The following LINGO2 variants were observed in gnomAD, a reference collection of about 807,000 sequenced individuals.
LINGO2 encodes leucine rich repeat and Ig domain containing 2.
Under a neutral mutation model 30.6 loss-of-function variants are expected in LINGO2, and 14 were observed. The ratio of observed to expected loss-of-function variants is 0.46; its 90% CI spans 0.30 to 0.72. LINGO2 has a LOEUF of 0.72. LINGO2 is among the 30% of genes least tolerant of loss of function. LINGO2 has a pLI of 0.07. For missense variants in LINGO2, 729 were observed against 751.7 expected (o/e 0.97, Z 0.35); for synonymous variants, 317 against 288.5 (o/e 1.10, Z -1.00).
At chr9:28,615,112 C>T (rs977568249) in intron 1 of LINGO2, among the ~76,000 whole-genome samples, 3 of 152,032 alleles carry the variant, frequency 2.0e-5, no homozygotes, top group African/African-American at 4.8e-5. Context: ...TTTGCCTGCT[C>T]ATGGAAGACA....
chr9:27,970,518 T>C (rs1179763023), intron 5 of LINGO2, among the ~76,000 whole-genome samples: 7 of 152,330 alleles, frequency 4.6e-5, no homozygotes, highest in South Asian at 2.1e-4. Flanking sequence ...GGCATTGTCA[T>C]GTTTACAGCT....
At position 28,313,091 on chromosome 9, in the gene LINGO2, TGCTGAATAAAA is replaced by T. The variant is rs1385915647; in HGVS notation, c.-245-17736_-245-17726del. On this transcript the variant is annotated intron_variant, in intron 3 of 5. Coordinates refer to ENST00000379992, the Ensembl canonical transcript of LINGO2. ...GTTTCAACATCTGATGATGACACTTTGCTGAATAAAAGTTTAATCACTCATTTCCTATATCG... is the reference window on the plus strand; with the variant it reads ...GTTTCAACATCTGATGATGACACTTTGTTTAATCACTCATTTCCTATATCG... 2.0e-5 allele frequency among the ~76,000 whole-genome samples: 3 copies of T among 152,200 alleles called. No individual in the cohort carries two copies. In the East Asian group the frequency reaches 5.8e-4, roughly 29 times the overall value.
intron 3 of LINGO2, among the ~76,000 whole-genome samples, chr9:28,305,987 G>A (rs1304237466): frequency 6.6e-6 from 1 of 152,080 alleles, no homozygotes; most frequent in Non-Finnish European, 1.5e-5. Context: ...GAAGTATTTG[G>A]AAACTGCCTA....
At chr9:28,063,232 G>T (rs1365151259) in intron 4 of LINGO2, among the ~76,000 whole-genome samples, 1 of 152,114 alleles carries the variant, frequency 6.6e-6, no homozygotes, top group Non-Finnish European at 1.5e-5. Context: ...CCCATCATCA[G>T]ATTGTTTTTT....
chr9:29,100,881 A>C, the LINGO2 span, among the ~76,000 whole-genome samples: 1 of 152,176 alleles, frequency 6.6e-6, no homozygotes, highest in Non-Finnish European at 1.5e-5. Context: ...GTGCTCACAA[A>C]AATTAAAAAT....
the LINGO2 span, among the ~76,000 whole-genome samples, chr9:29,002,380 A>C: frequency 2.6e-5 from 4 of 152,086 alleles, no homozygotes; most frequent in Non-Finnish European, 4.4e-5. Flanking sequence ...TGACATATGA[A>C]TAGCACATAC....
At position 28,067,658 on chromosome 9, in the gene LINGO2, G is replaced by C. The variant is rs138964150; in HGVS notation, c.-86-55253C>G. ...AATTTTAGAATGCTAGAAATTTCTA[G>C]ATGATAAGGAAATCTTGGGTAAGGA... On this transcript the variant is annotated intron_variant, in intron 4 of 5. Coordinates refer to ENST00000379992, the Ensembl canonical transcript of LINGO2. Among the ~76,000 whole-genome samples the C allele has an allele frequency of 2.2e-3, 336 of 152,246 alleles. 12 individuals are homozygous for C. The South Asian group carries it at 0.047, about 21-fold the overall frequency.
the LINGO2 span, among the ~76,000 whole-genome samples, chr9:29,045,989 T>A: frequency 6.6e-6 from 1 of 152,158 alleles, no homozygotes; most frequent in African/African-American, 2.4e-5. Context: ...TAATTTTGTA[T>A]CCTGCAACTT....
At chr9:28,822,104 T>C in the LINGO2 span, among the ~76,000 whole-genome samples, 1 of 152,080 alleles carries the variant, frequency 6.6e-6, no homozygotes, top group South Asian at 2.1e-4. Flanking sequence ...TTTTCTTATC[T>C]CCCAAGGTCC....
chr9:29,130,363 A>G, the LINGO2 span, among the ~76,000 whole-genome samples: 3 of 152,222 alleles, frequency 2.0e-5, no homozygotes, highest in Admixed American at 6.6e-5. Context: ...TTGTCTCCCA[A>G]ATAACTCAAG....
At chr9:29,003,746 G>C in the LINGO2 span, among the ~76,000 whole-genome samples, 2 of 151,984 alleles carry the variant, frequency 1.3e-5, no homozygotes, top group Non-Finnish European at 2.9e-5. Context: ...CCAAGCCTTT[G>C]TCTTAATCTC....
chr9:28,164,084 T>A (rs567427729), intron 4 of LINGO2, among the ~76,000 whole-genome samples: 1 of 152,310 alleles, frequency 6.6e-6, no homozygotes, highest in Admixed American at 6.5e-5. Context: ...GGCTTACATG[T>A]AATGAAAATA....
intron 3 of LINGO2, among the ~76,000 whole-genome samples, chr9:28,339,922 T>C (rs1438362409): frequency 6.6e-6 from 1 of 152,150 alleles, no homozygotes. Context: ...TGTTTAGCCA[T>C]AGGTGCCTAC....
intron 1 of LINGO2, among the ~76,000 whole-genome samples, chr9:28,665,388 C>G (rs1246598206): frequency 6.6e-6 from 1 of 151,952 alleles, no homozygotes; most frequent in Non-Finnish European, 1.5e-5. Context: ...TTCTGAAATT[C>G]CTTGTATTCC....
intron 4 of LINGO2, among the ~76,000 whole-genome samples, chr9:28,251,884 A>G (rs1220189476): frequency 6.6e-6 from 1 of 152,142 alleles, no homozygotes; most frequent in Admixed American, 6.5e-5. Flanking sequence ...AAAGCTGCAA[A>G]TTGTATACCT....
At chr9:29,008,704 T>G in the LINGO2 span, among the ~76,000 whole-genome samples, 1 of 152,170 alleles carries the variant, frequency 6.6e-6, no homozygotes, top group Non-Finnish European at 1.5e-5. Context: ...TTCATGTGTC[T>G]GTTGGCTGCA....
At chr9:28,600,686 C>A (rs1481357923) in intron 1 of LINGO2, among the ~76,000 whole-genome samples, 2 of 152,112 alleles carry the variant, frequency 1.3e-5, no homozygotes, top group Admixed American at 6.5e-5. Flanking sequence ...GAGTTGTTTT[C>A]AAACGAAGCA....
intron 2 of LINGO2, among the ~76,000 whole-genome samples, chr9:28,456,687 T>C (rs1285906611): frequency 6.6e-6 from 1 of 152,184 alleles, no homozygotes; most frequent in African/African-American, 2.4e-5. Flanking sequence ...GGAGTTTTTT[T>C]TCTGACACGC....
At chr9:28,907,030 C>A in the LINGO2 span, among the ~76,000 whole-genome samples, 63 of 151,898 alleles carry the variant, frequency 4.1e-4, no homozygotes, top group African/African-American at 1.5e-3. Flanking sequence ...GCTAAGAGAG[C>A]CTGATTAATA....
Sources: gnomAD v4.1 joint callset for allele counts (sites outside exome capture counted in the v4.1 genomes callset) on GRCh38, gnomAD v4.1.1 for gene constraint, MANE v1.5 for transcripts, NCBI Gene and HGNC (gene_info 2026-07-23, HGNC 2026-07-21) for gene names.